Variants in PDE10A observed in about 807,000 individuals in gnomAD.
PDE10A encodes cAMP and cAMP-inhibited cGMP 3',5'-cyclic phosphodiesterase 10A.
PDE10A carries 39 observed loss-of-function variants against 97.7 expected under a neutral mutation model. The ratio of observed to expected loss-of-function variants is 0.40; its 90% CI spans 0.31 to 0.52. PDE10A has a LOEUF of 0.52. Ranked by LOEUF, PDE10A falls within the 20% of genes least tolerant of loss-of-function variation. PDE10A has a pLI of 0.56. For synonymous variants in PDE10A, 371 were observed against 376.8 expected, an observed-to-expected ratio of 0.98 and a Z score of 0.18; for missense variants, 731 against 1,047.8, an observed-to-expected ratio of 0.70 and a Z score of 4.17.
At chr6:165,606,711 G>C (rs963623353) in intron 1 of PDE10A, among the ~76,000 whole-genome samples, 1 of 152,066 alleles carries the variant, frequency 6.6e-6, no homozygotes, top group African/African-American at 2.4e-5. Flanking sequence ...AAAGGCTTAG[G>C]GTAGGCACAA....
rs376897417 is a variant in PDE10A at position 165,515,523 on chromosome 6, C to CTTTTTTT, written c.994+27910_994+27916dup. Among the ~76,000 whole-genome samples the CTTTTTTT allele has an allele frequency of 4.0e-5, 5 of 124,528 alleles. 1 individual carries two copies. Among genetic ancestry groups the CTTTTTTT allele is most frequent in the African/African-American group, 3.0e-5 (1 of 33,044 alleles). 81.7% of individuals were successfully genotyped at this position (124,528 alleles called of 152,430 possible). On this transcript the variant is annotated intron_variant, in intron 2 of 21. Transcript: ENST00000539869. ...ACACACACATATATATGCTTTTGTTCTTTTTTTTTTTTTTTTTTGAGATGG... is the reference window on the plus strand; with the variant it reads ...ACACACACATATATATGCTTTTGTTCTTTTTTTTTTTTTTTTTTTTTTTTTGAGATGG...
chr6:165,707,211 G>A (rs1025587299), intron 1 of PDE10A, among the ~76,000 whole-genome samples: 2 of 152,210 alleles, frequency 1.3e-5, no homozygotes, highest in Admixed American at 1.3e-4. Context: ...TGGTCCTTGA[G>A]CCAGAGTCCA....
intron 1 of PDE10A, among the ~76,000 whole-genome samples, chr6:165,692,082 A>C (rs1430113358): frequency 6.6e-6 from 1 of 152,168 alleles, no homozygotes; most frequent in Non-Finnish European, 1.5e-5. Context: ...AAAGTACCTA[A>C]TTAGTCACAG....
At chr6:165,820,369 A>G (rs1779534736) in intron 1 of PDE10A, among the ~76,000 whole-genome samples, 1 of 152,254 alleles carries the variant, frequency 6.6e-6, no homozygotes, top group African/African-American at 2.4e-5. Context: ...CAGCAGGATC[A>G]CTTCAGAAAT....
At chr6:165,892,822 G>A (rs1047780739) in intron 1 of PDE10A, among the ~76,000 whole-genome samples, 15 of 152,198 alleles carry the variant, frequency 9.9e-5, no homozygotes, top group African/African-American at 3.6e-4. Flanking sequence ...AGGGTCTTGG[G>A]CAATCATTCT....
intron 2 of PDE10A, among the ~76,000 whole-genome samples, chr6:165,514,722 A>G (rs1781693715): frequency 6.6e-6 from 1 of 152,222 alleles, no homozygotes; most frequent in Non-Finnish European, 1.5e-5. Context: ...CAACTGCAGA[A>G]GAGAAGCTGT....
chr6:165,899,909 C>G (rs891650506), intron 1 of PDE10A, among the ~76,000 whole-genome samples: 2 of 152,184 alleles, frequency 1.3e-5, no homozygotes, highest in East Asian at 1.9e-4. Flanking sequence ...TTTCCCTTTT[C>G]TTTTTGAATC....
At chr6:165,977,783 A>T (rs945598442) in intron 1 of PDE10A, among the ~76,000 whole-genome samples, 4 of 152,236 alleles carry the variant, frequency 2.6e-5, no homozygotes, top group Non-Finnish European at 5.9e-5. Flanking sequence ...CACTAAAGGC[A>T]TGTACAAAAA....
chr6:165,539,241 T>C (rs191024010), intron 2 of PDE10A, among the ~76,000 whole-genome samples: 1 of 152,298 alleles, frequency 6.6e-6, no homozygotes, highest in East Asian at 1.9e-4. Flanking sequence ...CAACTGTAGA[T>C]AGAATTTTAT....
At chr6:165,478,411 G>C (rs936338443) in intron 3 of PDE10A, among the ~76,000 whole-genome samples, 2 of 152,102 alleles carry the variant, frequency 1.3e-5, no homozygotes, top group Non-Finnish European at 2.9e-5. Context: ...ATGGGGGGGA[G>C]GGGGTTGGAC....
At chr6:165,648,174 A>G (rs1159473939) in intron 1 of PDE10A, among the ~76,000 whole-genome samples, 3 of 151,972 alleles carry the variant, frequency 2.0e-5, no homozygotes, top group African/African-American at 7.3e-5. Flanking sequence ...CACCACGCCC[A>G]GCTAATTTTT....
At chr6:165,613,509 C>T (rs919848389) in intron 1 of PDE10A, among the ~76,000 whole-genome samples, 34 of 151,978 alleles carry the variant, frequency 2.2e-4, no homozygotes, top group African/African-American at 5.1e-4. Context: ...CGTGGTGGTA[C>T]GCACCTATAG....
chr6:165,756,085 G>A (rs563048196), intron 1 of PDE10A, among the ~76,000 whole-genome samples: 43 of 152,216 alleles, frequency 2.8e-4, no homozygotes, highest in Non-Finnish European at 4.7e-4. Context: ...ACCAGCAAAT[G>A]AGGCTCTGGG....
intron 1 of PDE10A, among the ~76,000 whole-genome samples, chr6:165,691,075 TTC>T (rs376093908): frequency 4.0e-4 from 20 of 50,378 alleles, no homozygotes; most frequent in East Asian, 1.7e-3. Flanking sequence ...CTCTCTCTCT[TTC>T]TCTCTCTCTC....
intron 13 of PDE10A, among the ~76,000 whole-genome samples, chr6:165,408,356 T>A (rs1244903110): frequency 2.0e-5 from 3 of 152,130 alleles, no homozygotes; most frequent in Non-Finnish European, 4.4e-5. Context: ...GGACAACGCA[T>A]AATACAAGGT....
At chr6:165,535,808 T>C (rs1200896364) in intron 2 of PDE10A, among the ~76,000 whole-genome samples, 1 of 151,876 alleles carries the variant, frequency 6.6e-6, no homozygotes, top group East Asian at 1.9e-4. Context: ...CTATAAAACA[T>C]TGATGAAAAA....
At chr6:165,675,637 A>C (rs183020451) in intron 1 of PDE10A, among the ~76,000 whole-genome samples, 1 of 152,358 alleles carries the variant, frequency 6.6e-6, no homozygotes, top group East Asian at 1.9e-4. Context: ...GAAACAAAAC[A>C]GAATTGTTGT....
At chr6:165,465,806 G>C (rs373115634) in intron 3 of PDE10A, among the ~76,000 whole-genome samples, 15 of 152,272 alleles carry the variant, frequency 9.9e-5, no homozygotes, top group African/African-American at 3.6e-4. Context: ...CTTGACACAT[G>C]GGGATTATTA....
At chr6:165,739,788 C>T (rs189393598) in intron 1 of PDE10A, among the ~76,000 whole-genome samples, 1 of 152,106 alleles carries the variant, frequency 6.6e-6, no homozygotes, top group East Asian at 1.9e-4. Context: ...AACACATAAC[C>T]TGCTTAAAAA....
Sources: allele counts gnomAD v4.1 joint callset (sites outside exome capture counted in the v4.1 genomes callset), GRCh38; gene constraint gnomAD v4.1.1; transcripts MANE v1.5; gene names NCBI Gene and HGNC (gene_info 2026-07-23, HGNC 2026-07-21).